TOM1L2: variants seen among roughly 807,000 people sequenced by gnomAD.
The protein encoded by TOM1L2 is target of myb1 like 2 membrane trafficking protein.
A neutral mutation model predicts 67.9 loss-of-function variants in TOM1L2; 31 were observed. The ratio of observed to expected loss-of-function variants is 0.46; its 90% confidence interval spans 0.34 to 0.62. The LOEUF is 0.62. Ranked by LOEUF, TOM1L2 falls within the 20% of genes least tolerant of loss-of-function variation. The pLI, the probability that TOM1L2 is intolerant of heterozygous loss-of-function variation, is 0.01. For synonymous variants in TOM1L2, 256 were observed against 254.0 expected (o/e 1.01, Z -0.07); for missense variants, 606 against 663.5 (o/e 0.91, Z 0.95).
At chr17:17,957,280 T>C (rs919059416) in intron 1 of TOM1L2, among the ~76,000 whole-genome samples, 1 of 152,256 alleles carries the variant, frequency 6.6e-6, no homozygotes, top group African/African-American at 2.4e-5. Context: ...CACTCCCTTA[T>C]ACAGCCTTTC....
At chr17:17,954,986 C>T (rs1276091315) in intron 1 of TOM1L2, among the ~76,000 whole-genome samples, 1 of 152,190 alleles carries the variant, frequency 6.6e-6, no homozygotes, top group Non-Finnish European at 1.5e-5. Flanking sequence ...CTGTTGCTCA[C>T]CCTAGAGCAA....
intron 12 of TOM1L2, among the ~76,000 whole-genome samples, chr17:17,856,353 C>A (rs1165025980): frequency 6.6e-5 from 10 of 152,280 alleles, no homozygotes; most frequent in Admixed American, 6.5e-4. Flanking sequence ...GAACTGCCTT[C>A]TCACGCAGAG....
chr17:17,856,771 A>G (rs1463928037), intron 12 of TOM1L2, among the ~76,000 whole-genome samples: 1 of 152,186 alleles, frequency 6.6e-6, no homozygotes, highest in African/African-American at 2.4e-5. Flanking sequence ...TCATCCCAAG[A>G]CATACAGCCT....
chr17:17,900,032 T>G (rs1243618201), intron 2 of TOM1L2, among the ~76,000 whole-genome samples: 4 of 152,010 alleles, frequency 2.6e-5, no homozygotes, highest in African/African-American at 9.7e-5. Context: ...GCCAACATGG[T>G]GAAACCCCGT....
chr17:17,927,253 G>A (rs1369671598), intron 1 of TOM1L2, among the ~76,000 whole-genome samples: 1 of 152,178 alleles, frequency 6.6e-6, no homozygotes, highest in Non-Finnish European at 1.5e-5. Context: ...ATTATTTTCA[G>A]CACACTGTAC....
chr17:17,916,777 C>T (rs1291605867), intron 1 of TOM1L2, among the ~76,000 whole-genome samples: 2 of 151,990 alleles, frequency 1.3e-5, no homozygotes, highest in East Asian at 3.8e-4. Context: ...AATCCCGATA[C>T]TTTGGGAGGC....
At position 17,869,398 on chromosome 17, in the gene TOM1L2, T is replaced by C. The variant is rs199832973; in HGVS notation, c.853A>G (p.Thr285Ala). Residue 285 changes from threonine (T) to alanine (A), a missense_variant, in exon 8 of 15, where the codon ACC (threonine) becomes GCC (alanine). Coordinates refer to ENST00000379504, the MANE Select transcript of TOM1L2 (RefSeq NM_001082968.2). Reference protein sequence around the residue: ...LISRVSNEEVTEELLHVNDDL... With the variant: ...LISRVSNEEVAEELLHVNDDL... ...TCGTTCACATGCAGCAGCTCCTCGG[T>C]GACCTCCTCATTGGACACGCGGGAG... The C allele has an allele frequency of 6.2e-7, 1 of 1,613,444 alleles. No individual in the cohort carries two copies. Among genetic ancestry groups the C allele is most frequent in the Admixed American group, 1.7e-5 (1 of 60,008 alleles).
intron 7 of TOM1L2, among the ~76,000 whole-genome samples, chr17:17,870,338 G>T (rs1435886526): frequency 6.6e-6 from 1 of 152,134 alleles, no homozygotes; most frequent in East Asian, 1.9e-4. Context: ...CAGACTTACT[G>T]ATGCCCTTGT....
At chr17:17,862,424 G>T (rs569265074) in intron 11 of TOM1L2, 1 of 248,588 alleles carries the variant, frequency 4.0e-6, no homozygotes, top group South Asian at 7.6e-5. Flanking sequence ...AGGCAGGGTG[G>T]TGTCTGCAGC....
At chr17:17,869,051 TG>T (rs1164899033) in intron 8 of TOM1L2, 3 of 304,288 alleles carry the variant, frequency 9.9e-6, no homozygotes, top group Admixed American at 6.1e-5. Context: ...TACCCCTCCC[TG>T]GGGCTGGGGG....
chr17:17,966,406 TAAAG>T (rs1568407106), intron 1 of TOM1L2, among the ~76,000 whole-genome samples: 2 of 152,096 alleles, frequency 1.3e-5, no homozygotes, highest in African/African-American at 4.8e-5. Context: ...TGAAGAAAGA[TAAAG>T]AAAAGATTAA....
chr17:17,934,951 G>A (rs140681069), intron 1 of TOM1L2, among the ~76,000 whole-genome samples: 176 of 152,310 alleles, frequency 1.2e-3, no homozygotes, highest in African/African-American at 4.2e-3. Flanking sequence ...CTCAGCCACC[G>A]TGCTGCACTC....
chr17:17,968,542 G>T (rs1329021925), intron 1 of TOM1L2, among the ~76,000 whole-genome samples: 2 of 152,056 alleles, frequency 1.3e-5, no homozygotes, highest in African/African-American at 4.8e-5. Context: ...CCAGGCACCA[G>T]TAATCCCAGC....
intron 7 of TOM1L2, among the ~76,000 whole-genome samples, chr17:17,876,863 T>C (rs1412975762): frequency 6.6e-6 from 1 of 152,218 alleles, no homozygotes; most frequent in Admixed American, 6.5e-5. Context: ...AGCCTGTCAC[T>C]GGGGACACGC....
intron 1 of TOM1L2, among the ~76,000 whole-genome samples, chr17:17,947,408 TCA>T (rs1162821325): frequency 3.3e-5 from 5 of 152,176 alleles, no homozygotes; most frequent in African/African-American, 1.2e-4. Flanking sequence ...CACCAGTACC[TCA>T]CAATATGACT....
Position 17,946,200 on chromosome 17 carries a change from C to T in TOM1L2, c.52+26062G>A, listed in dbSNP as rs537715056. Among the ~76,000 whole-genome samples the T allele has an allele frequency of 1.3e-4, 20 of 152,194 alleles. No individual in the cohort carries two copies. In the South Asian group the frequency reaches 3.9e-3, roughly 30 times the overall value. On this transcript the variant is annotated intron_variant, in intron 1 of 14. Transcript: ENST00000379504. Reference sequence around the variant, plus strand: ...GCCGTAATTCAATTTTGTATAAGAGCTTTATTGAGATATAATTTACATACC... The same window carrying T: ...GCCGTAATTCAATTTTGTATAAGAGTTTTATTGAGATATAATTTACATACC...
At chr17:17,962,365 G>C (rs981189989) in intron 1 of TOM1L2, among the ~76,000 whole-genome samples, 7 of 151,706 alleles carry the variant, frequency 4.6e-5, no homozygotes, top group Non-Finnish European at 5.9e-5. Flanking sequence ...CTGTCACCCA[G>C]GCTGGAGTGC....
intron 2 of TOM1L2, 34 bp from the exon 3 acceptor site, chr17:17,898,708 C>G (rs1409788506): frequency 6.2e-7 from 1 of 1,610,216 alleles, no homozygotes; most frequent in Non-Finnish European, 8.5e-7. Context: ...AAGATACTTA[C>G]AATCCCACTT....
At position 17,972,388 on chromosome 17, in the gene TOM1L2, C is replaced by T; in HGVS notation, c.-75G>A. The T allele has an allele frequency of 4.6e-6, 7 of 1,538,070 alleles. No individual in the cohort carries two copies. In the Admixed American group the frequency reaches 5.9e-5, roughly 13 times the overall value. ...CCTCCGCTGTAACCCGCCGGACTCC[C>T]GTCCTGACTGACACTTGCCCCCTCC... On this transcript the variant is annotated 5_prime_UTR_variant, in exon 1 of 15. Coordinates refer to ENST00000379504, the MANE Select transcript of TOM1L2 (RefSeq NM_001082968.2).
Sources: allele counts gnomAD v4.1 joint callset (sites outside exome capture counted in the v4.1 genomes callset), GRCh38; gene constraint gnomAD v4.1.1; transcripts MANE v1.5; gene names NCBI Gene and HGNC (gene_info 2026-07-23, HGNC 2026-07-21).